KIF13A: variants seen among roughly 807,000 people sequenced by gnomAD.
The protein encoded by KIF13A is kinesin family member 13A.
Under a neutral mutation model 212.2 loss-of-function variants are expected in KIF13A, and 79 were observed. That is an observed-to-expected ratio of 0.37 (90% CI 0.31 to 0.45). The LOEUF (loss-of-function observed/expected upper bound fraction) is 0.45. KIF13A is among the 20% of genes least tolerant of loss of function. KIF13A has a pLI of 1.00. For synonymous variants in KIF13A, 789 were observed against 808.6 expected (o/e 0.98, Z 0.41); for missense variants, 1,901 against 2,209.0 (o/e 0.86, Z 2.79).
chr6:17,836,944 G>T lies in KIF13A; in HGVS notation c.1089C>A (p.Asn363Lys), dbSNP rs199847865. 3 of 1,613,876 alleles carry T rather than the reference G, an allele frequency of 1.9e-6. No individual in the cohort carries two copies. The highest frequency in any genetic ancestry group is 2.2e-5 in the East Asian group (1 of 44,872). ...CCCGCAGTTCTCGGATCACTTTTGCGTTGGGGTCCTCATTCACAACAGCAT... is the reference window on the plus strand; with the variant it reads ...CCCGCAGTTCTCGGATCACTTTTGCTTTGGGGTCCTCATTCACAACAGCAT... ...VNHAVVNEDP[N>K]AKVIRELREE... Residue 363 changes from asparagine (N) to lysine (K), a missense_variant, in exon 11 of 39, where the codon AAC (asparagine) becomes AAA (lysine). Transcript: ENST00000259711.
chr6:17,946,852 T>C (rs1777443804), intron 2 of KIF13A, among the ~76,000 whole-genome samples: 1 of 152,210 alleles, frequency 6.6e-6, no homozygotes. Context: ...TGGAATACCA[T>C]GCAACAGCAA....
rs142843254 is a variant in KIF13A, at chr6:17,792,539, G to A, written c.3222+1710C>T. Among the ~76,000 whole-genome samples the A allele has an allele frequency of 6.6e-3, 1,001 of 152,284 alleles. 4 individuals carry two copies. The highest frequency in any genetic ancestry group is 0.031 in the Middle Eastern group (9 of 294). On this transcript the variant is annotated intron_variant, in intron 25 of 38. Coordinates refer to ENST00000259711, the MANE Select transcript of KIF13A (RefSeq NM_022113.6). Reference sequence around the variant, plus strand: ...TGTTCTCTTTCGACCGTGCAGCCACGTAGAAGTTGATGGCTAAGTGAAGGA... The same window carrying A: ...TGTTCTCTTTCGACCGTGCAGCCACATAGAAGTTGATGGCTAAGTGAAGGA...
rs73723278 is a variant in KIF13A, at chr6:17,905,633, G to C, written c.147-7453C>G. 4.6e-3 allele frequency among the ~76,000 whole-genome samples: 700 copies of C among 152,320 alleles called. 6 individuals are homozygous for C. Among genetic ancestry groups the C allele is most frequent in the African/African-American group, 0.015 (636 of 41,568 alleles). On this transcript the variant is annotated intron_variant, in intron 2 of 38. Transcript: ENST00000259711. ...AAGCGGGGGATTCACTGGGCAAAGA[G>C]GGAATTTTGTTGGAGGAGAAACGCC...
intron 2 of KIF13A, among the ~76,000 whole-genome samples, chr6:17,924,857 G>T (rs1185789327): frequency 6.6e-6 from 1 of 152,132 alleles, no homozygotes; most frequent in East Asian, 1.9e-4. Flanking sequence ...TCATAGCTGG[G>T]TATGAAATGA....
intron 3 of KIF13A, among the ~76,000 whole-genome samples, chr6:17,896,092 C>A (rs772992973): frequency 9.9e-5 from 15 of 152,116 alleles, no homozygotes; most frequent in Non-Finnish European, 1.9e-4. Flanking sequence ...TCCCCTGGAA[C>A]CCATCTATAG....
rs1229911771 is a variant in KIF13A at position 17,777,766 on chromosome 6, C to A, written c.4093-412G>T. On this transcript the variant is annotated intron_variant, in intron 33 of 38. Coordinates refer to ENST00000259711, the MANE Select transcript of KIF13A (RefSeq NM_022113.6). The surrounding 1 kb of genome is among the most constrained non-coding windows in gnomAD (Gnocchi z 4.4). ...ATATAGACTGCATCAGTTCTACATA[C>A]ATACACATTTATAAAACTGAAATAT... is the stretch of plus-strand genomic sequence containing the variant. Among the ~76,000 whole-genome samples the A allele has an allele frequency of 6.6e-6, 1 of 152,200 alleles. No homozygotes were observed. The highest frequency in any genetic ancestry group is 1.5e-5 in the Non-Finnish European group (1 of 68,040).
chr6:17,868,737 T>C (rs1377866247), intron 4 of KIF13A, among the ~76,000 whole-genome samples: 1 of 151,698 alleles, frequency 6.6e-6, no homozygotes, highest in Non-Finnish European at 1.5e-5. Context: ...GCACAGTCGC[T>C]CATGCCTGTA....
rs1436568454 is a variant in KIF13A at position 17,934,101 on chromosome 6, T to C, written c.147-35921A>G. ...TTTTTTTTTGAAGAATGCGAAAAAGTAAACATTTAAGTTGAAAAGAATAAA... is the reference window on the plus strand; with the variant it reads ...TTTTTTTTTGAAGAATGCGAAAAAGCAAACATTTAAGTTGAAAAGAATAAA... On this transcript the variant is annotated intron_variant, in intron 2 of 38. Coordinates refer to ENST00000259711, the MANE Select transcript of KIF13A (RefSeq NM_022113.6). The surrounding 1 kb of genome is among the most constrained non-coding windows in gnomAD (Gnocchi z 5.4). Among the ~76,000 whole-genome samples, 2 of 152,170 alleles carry C rather than the reference T, an allele frequency of 1.3e-5. No individual in the cohort carries two copies. The highest frequency in any genetic ancestry group is 4.8e-5 in the African/African-American group (2 of 41,420).
Position 17,982,235 on chromosome 6 carries a change from A to G in KIF13A, c.146+4819T>C, listed in dbSNP as rs897372232. On this transcript the variant is annotated intron_variant, in intron 2 of 38. Transcript: ENST00000259711. This position sits in a 1 kb window ranked among gnomAD's most constrained non-coding sequence, Gnocchi z 5.1. ...CTCTGCCTCCTAAGTAGCTGGGATTATAGGTGTGCACCACCACACTCGGCT... is the reference window on the plus strand; with the variant it reads ...CTCTGCCTCCTAAGTAGCTGGGATTGTAGGTGTGCACCACCACACTCGGCT... 8 of 154,912 alleles carry G rather than the reference A, an allele frequency of 5.2e-5. No individual in the cohort carries two copies. The highest frequency in any genetic ancestry group is 1.9e-4 in the African/African-American group (8 of 41,550). The allele number at this position is 154,912 out of a possible 1,614,324, so 9.6% of individuals were successfully genotyped here.
chr6:17,809,079 C>G lies in KIF13A; in HGVS notation c.2001-149G>C. ...ACCAGACTACCTCTCATCCTTCCCT[C>G]CTGCCCACAGATGGGCTATCTGTTG... On this transcript the variant is annotated intron_variant, in intron 17 of 38. Coordinates refer to ENST00000259711, the MANE Select transcript of KIF13A (RefSeq NM_022113.6). The surrounding 1 kb of genome is among the most constrained non-coding windows in gnomAD (Gnocchi z 4.7). 1 of 746,302 alleles carries G rather than the reference C, an allele frequency of 1.3e-6. No homozygotes were observed. The highest frequency in any genetic ancestry group is 3.7e-4 in the Middle Eastern group (1 of 2,698). The allele number at this position is 746,302 out of a possible 1,614,324, so 46.2% of individuals were successfully genotyped here.
Position 17,898,809 on chromosome 6 carries a change from GA to G in KIF13A, c.147-630del, listed in dbSNP as rs1303062546. On this transcript the variant is annotated intron_variant, in intron 2 of 38. Coordinates refer to ENST00000259711, the MANE Select transcript of KIF13A (RefSeq NM_022113.6). The surrounding 1 kb of genome is among the most constrained non-coding windows in gnomAD (Gnocchi z 5.2). The stretch of plus-strand genomic sequence containing the variant: ...TCAGAAATGACTGAAATTGCACCTG[GA>G]AAAAACTCTGAAAAGGAAATAGTTT... Among the ~76,000 whole-genome samples, 2 of 152,062 alleles carry G rather than the reference GA, an allele frequency of 1.3e-5. No homozygotes were observed. The highest frequency in any genetic ancestry group is 1.3e-4 in the Admixed American group (2 of 15,258).
rs1372033187 is a variant in KIF13A at position 17,898,931 on chromosome 6, G to A, written c.147-751C>T. On this transcript the variant is annotated intron_variant, in intron 2 of 38. Coordinates refer to ENST00000259711, the MANE Select transcript of KIF13A (RefSeq NM_022113.6). The surrounding 1 kb of genome is among the most constrained non-coding windows in gnomAD (Gnocchi z 5.2). ...GCTCAGTGCAACCTTGAACTCCTGG[G>A]CTCAACTGATCCTCCTACCTCAGCC... Among the ~76,000 whole-genome samples the A allele has an allele frequency of 6.6e-6, 1 of 152,102 alleles. No individual in the cohort carries two copies. Among genetic ancestry groups the A allele is most frequent in the Non-Finnish European group, 1.5e-5 (1 of 68,024 alleles).
At chr6:17,909,837 A>G (rs1357417708) in intron 2 of KIF13A, among the ~76,000 whole-genome samples, 1 of 152,180 alleles carries the variant, frequency 6.6e-6, no homozygotes, top group Non-Finnish European at 1.5e-5. Flanking sequence ...GTAAGCCGAG[A>G]TTGCACGACT....
chr6:17,909,301 C>A (rs1254766284), intron 2 of KIF13A, among the ~76,000 whole-genome samples: 2 of 152,020 alleles, frequency 1.3e-5, no homozygotes, highest in Non-Finnish European at 2.9e-5. Context: ...CTTGGGAGGC[C>A]GAGGCGGGTG....
intron 38 of KIF13A, among the ~76,000 whole-genome samples, chr6:17,770,054 C>T (rs939738498): frequency 1.3e-5 from 2 of 152,144 alleles, no homozygotes; most frequent in Non-Finnish European, 2.9e-5. Context: ...ACCCCAAGCA[C>T]GCAGGTGGGT....
rs1561757700 is a variant in KIF13A at position 17,915,949 on chromosome 6, AAAAAT to A, written c.147-17774_147-17770del. Among the ~76,000 whole-genome samples the A allele has an allele frequency of 0.013, 1,655 of 125,492 alleles. 29 individuals are homozygous for A. The highest frequency in any genetic ancestry group is 0.053 in the African/African-American group (1,570 of 29,388). The allele number at this position is 125,492 out of a possible 152,430, so 82.3% of individuals were successfully genotyped here. A position where few individuals can be genotyped will look rare whatever the true frequency, so the allele number is the denominator to read the frequency against. On this transcript the variant is annotated intron_variant, in intron 2 of 38. Transcript: ENST00000259711. This position sits in a 1 kb window ranked among gnomAD's most constrained non-coding sequence, Gnocchi z 4.4. ...GAGAGCCAGTCTCAAAAAAAAAAAT[AAAAAT>A]AAAAATAAAATAAAATAAAATAAAT... is the stretch of plus-strand genomic sequence containing the variant.
intron 25 of KIF13A, among the ~76,000 whole-genome samples, chr6:17,792,899 A>G (rs920946518): frequency 1.3e-5 from 2 of 152,166 alleles, no homozygotes; most frequent in Admixed American, 1.3e-4. Context: ...CTGGGCTTAC[A>G]CTCAGACTCC....
chr6:17,976,594 G>A (rs111832282), intron 2 of KIF13A, among the ~76,000 whole-genome samples: 5 of 152,150 alleles, frequency 3.3e-5, no homozygotes, highest in African/African-American at 9.6e-5. Context: ...GCAAGCTGAG[G>A]GAGCCGGCTC....
rs1050765462 is a variant in KIF13A, at chr6:17,829,570, C to T, written c.1402-1200G>A. Among the ~76,000 whole-genome samples, 5 of 152,164 alleles carry T rather than the reference C, an allele frequency of 3.3e-5. No individual in the cohort carries two copies. Among genetic ancestry groups the T allele is most frequent in the African/African-American group, 9.7e-5 (4 of 41,446 alleles). ...TTTAAGTACCTGAACCTCAGACATACGAGGACTGTGACTATTGGTGATTCA... is the reference window on the plus strand; with the variant it reads ...TTTAAGTACCTGAACCTCAGACATATGAGGACTGTGACTATTGGTGATTCA... On this transcript the variant is annotated intron_variant, in intron 13 of 38. Transcript: ENST00000259711. This position sits in a 1 kb window ranked among gnomAD's most constrained non-coding sequence, Gnocchi z 5.4.
Sources: gnomAD v4.1 joint callset for allele counts (sites outside exome capture counted in the v4.1 genomes callset) on GRCh38, gnomAD v4.1.1 for gene constraint, Gnocchi (gnomAD v3.1) non-coding constraint, MANE v1.5 for transcripts, NCBI Gene and HGNC (gene_info 2026-07-23, HGNC 2026-07-21) for gene names.